The following PCDHA12 variants were observed in gnomAD, a reference collection of about 807,000 sequenced individuals.
The protein encoded by PCDHA12 is protocadherin alpha-12.
Under a neutral mutation model 60.0 loss-of-function variants are expected in PCDHA12, and 44 were observed. The ratio of observed to expected loss-of-function variants is 0.73; its 90% CI spans 0.58 to 0.94. PCDHA12 has a LOEUF of 0.94. Among genes scored for constraint, PCDHA12 ranks in the 40% least tolerant of loss-of-function variants. PCDHA12 has a pLI of 0.00. For synonymous variants in PCDHA12, 569 were observed against 553.0 expected (o/e 1.03, Z -0.40); for missense variants, 1,276 against 1,239.7 (o/e 1.03, Z -0.44).
At chr5:140,917,070 G>A (rs528403297) in intron 1 of PCDHA12, among the ~76,000 whole-genome samples, 14 of 152,102 alleles carry the variant, frequency 9.2e-5, no homozygotes, top group Non-Finnish European at 1.9e-4. Context: ...ACAGCACCGA[G>A]TTTAATGTAA....
At chr5:140,925,479 A>G (rs2082513030) in intron 1 of PCDHA12, among the ~76,000 whole-genome samples, 1 of 152,116 alleles carries the variant, frequency 6.6e-6, no homozygotes. Context: ...TGTTTCTCAT[A>G]GAACTGATCA....
chr5:140,968,095 TGGG>T (rs1554230332), intron 1 of PCDHA12: 1 of 1,613,884 alleles, frequency 6.2e-7, no homozygotes, highest in African/African-American at 1.3e-5. Flanking sequence ...CAGCCACAGA[TGGG>T]GGAATACCGC....
intron 3 of PCDHA12, among the ~76,000 whole-genome samples, chr5:140,997,728 A>G (rs1376007377): frequency 6.6e-6 from 1 of 152,030 alleles, no homozygotes; most frequent in Non-Finnish European, 1.5e-5. Flanking sequence ...ACGTCAGTAC[A>G]TATAGATTTG....
intron 1 of PCDHA12, chr5:140,967,846 C>A: frequency 6.2e-7 from 1 of 1,614,166 alleles, no homozygotes; most frequent in Non-Finnish European, 8.5e-7. Context: ...ACGTGAATGA[C>A]AATGCCCCAG....
At chr5:140,970,152 A>G (rs899776182) in intron 1 of PCDHA12, among the ~76,000 whole-genome samples, 22 of 152,224 alleles carry the variant, frequency 1.4e-4, no homozygotes, top group Non-Finnish European at 2.5e-4. Flanking sequence ...AATTCTCCCA[A>G]TAGTCACCTT....
chr5:140,891,604 C>T (rs1554184885), intron 1 of PCDHA12, among the ~76,000 whole-genome samples: 2 of 152,172 alleles, frequency 1.3e-5, no homozygotes, highest in African/African-American at 4.8e-5. Flanking sequence ...CCATCTATTT[C>T]TACCTTTTAT....
chr5:140,966,409 G>C (rs1234170283), intron 1 of PCDHA12: 1 of 419,144 alleles, frequency 2.4e-6, no homozygotes, highest in African/African-American at 2.1e-5. Context: ...CGCGGAATCA[G>C]AGCAGGACTT....
intron 1 of PCDHA12, chr5:140,968,106 C>A: frequency 6.2e-7 from 1 of 1,614,134 alleles, no homozygotes; most frequent in Non-Finnish European, 8.5e-7. Flanking sequence ...GGGGGAATAC[C>A]GCAGCTCACA....
intron 1 of PCDHA12, among the ~76,000 whole-genome samples, chr5:140,943,363 T>C (rs1192531762): frequency 2.0e-5 from 3 of 148,712 alleles, no homozygotes; most frequent in Non-Finnish European, 4.5e-5. Flanking sequence ...GGAAAGGAGA[T>C]CATTAAAATA....
At chr5:140,914,710 G>T (rs879987412) in intron 1 of PCDHA12, among the ~76,000 whole-genome samples, 22 of 151,256 alleles carry the variant, frequency 1.5e-4, no homozygotes, top group Non-Finnish European at 2.4e-4. Flanking sequence ...TTAATTTCTT[G>T]TTTTTTATTT....
intron 1 of PCDHA12, among the ~76,000 whole-genome samples, chr5:140,965,537 A>T (rs528440377): frequency 1.3e-5 from 2 of 152,204 alleles, no homozygotes; most frequent in East Asian, 3.9e-4. Context: ...ATGGAATCCA[A>T]ATTCCAGCCT....
chr5:140,944,608 G>A (rs2093673405), intron 1 of PCDHA12, among the ~76,000 whole-genome samples: 1 of 152,176 alleles, frequency 6.6e-6, no homozygotes, highest in Non-Finnish European at 1.5e-5. Flanking sequence ...AGAGTAGTGT[G>A]CTGTAGAAGT....
chr5:140,888,210 T>G (rs1395913579), intron 1 of PCDHA12, among the ~76,000 whole-genome samples: 1 of 152,080 alleles, frequency 6.6e-6, no homozygotes, highest in East Asian at 1.9e-4. Context: ...ATGCTGGATT[T>G]TGTGTGTGTG....
intron 3 of PCDHA12, among the ~76,000 whole-genome samples, chr5:141,007,174 G>A (rs926344346): frequency 6.6e-6 from 1 of 152,118 alleles, no homozygotes; most frequent in African/African-American, 2.4e-5. Context: ...AGAGAGAAAG[G>A]TCAGGAGAAT....
intron 1 of PCDHA12, among the ~76,000 whole-genome samples, chr5:140,888,739 GA>G (rs782625301): frequency 6.6e-6 from 1 of 151,978 alleles, no homozygotes; most frequent in Non-Finnish European, 1.5e-5. Flanking sequence ...TGAGCTCTAG[GA>G]ATTATTCTAC....
intron 3 of PCDHA12, among the ~76,000 whole-genome samples, chr5:140,986,030 C>T (rs1190318789): frequency 2.6e-5 from 4 of 152,174 alleles, no homozygotes; most frequent in Non-Finnish European, 2.9e-5. Flanking sequence ...TGAGCCACTG[C>T]GCCTGGCCTC....
chr5:140,947,987 C>G (rs1554218389), intron 1 of PCDHA12, among the ~76,000 whole-genome samples: 1 of 144,778 alleles, frequency 6.9e-6, no homozygotes, highest in African/African-American at 2.6e-5. Context: ...AGGTTTTTCC[C>G]AAATACTTTA....
intron 1 of PCDHA12, among the ~76,000 whole-genome samples, chr5:140,894,571 T>C (rs782019282): frequency 2.0e-5 from 3 of 151,906 alleles, no homozygotes; most frequent in Non-Finnish European, 4.4e-5. Flanking sequence ...TTATTTTCCT[T>C]TTTTTTAATA....
chr5:140,921,057 C>G (rs2079994477), intron 1 of PCDHA12, among the ~76,000 whole-genome samples: 1 of 151,924 alleles, frequency 6.6e-6, no homozygotes, highest in African/African-American at 2.4e-5. Flanking sequence ...ATAGCTCACT[C>G]TAACCTTGAA....
Sources: allele counts gnomAD v4.1 joint callset (sites outside exome capture counted in the v4.1 genomes callset), GRCh38; gene constraint gnomAD v4.1.1; transcripts MANE v1.5; gene names NCBI Gene and HGNC (gene_info 2026-07-23, HGNC 2026-07-21).